Variants in TNPO3 observed in about 807,000 individuals in gnomAD.
TNPO3 encodes transportin 3.
In TNPO3, 65 loss-of-function variants were observed where a neutral mutation model predicts 122.8. The ratio of observed to expected loss-of-function variants is 0.53; its 90% CI spans 0.43 to 0.65. The LOEUF (loss-of-function observed/expected upper bound fraction) is 0.65. Ranked by LOEUF, TNPO3 falls within the 30% of genes least tolerant of loss-of-function variation. The pLI is 0.00. For missense variants in TNPO3, 850 were observed against 1,136.7 expected (o/e 0.75, Z 3.63); for synonymous variants, 372 against 411.2 (o/e 0.90, Z 1.15).
chr7:128,964,798 G>A (rs1797787549), intron 21 of TNPO3, among the ~76,000 whole-genome samples: 1 of 152,066 alleles, frequency 6.6e-6, no homozygotes, highest in South Asian at 2.1e-4. Flanking sequence ...CCTGTATATG[G>A]TCAAATGATT....
At chr7:129,003,509 A>C (rs1802232724) in intron 5 of TNPO3, among the ~76,000 whole-genome samples, 2 of 151,738 alleles carry the variant, frequency 1.3e-5, no homozygotes, top group Admixed American at 1.3e-4. Context: ...TCTAGAAAAA[A>C]TTAAAAATTA....
rs1308393321 is a variant in TNPO3 at position 128,955,015 on chromosome 7, G to A, written c.*402C>T. ...CACGTGCGCACTGGCGCTTGTGCGT[G>A]TATGTGTGTGTGCGTGCATGTGTCA... On this transcript the variant is annotated 3_prime_UTR_variant, in exon 23 of 23. Coordinates refer to ENST00000265388, the MANE Select transcript of TNPO3 (RefSeq NM_012470.4). The A allele has an allele frequency of 1.1e-5, 3 of 277,524 alleles. No individual in the cohort carries two copies. Among genetic ancestry groups the A allele is most frequent in the African/African-American group, 2.3e-5 (1 of 42,782 alleles). 17.2% of individuals were successfully genotyped at this position (277,524 alleles called of 1,614,324 possible). A position where few individuals can be genotyped will look rare whatever the true frequency, so the allele number is the denominator to read the frequency against.
chr7:129,028,995 A>T (rs1374695321), intron 1 of TNPO3: 6 of 430,768 alleles, frequency 1.4e-5, no homozygotes, highest in Admixed American at 1.1e-4. Flanking sequence ...TTTTCTTCTG[A>T]TGATGATTAG....
chr7:129,049,243 T>C (rs1808416957), intron 1 of TNPO3, among the ~76,000 whole-genome samples: 1 of 152,168 alleles, frequency 6.6e-6, no homozygotes, highest in African/African-American at 2.4e-5. Context: ...ATTTGGATGC[T>C]GATGGGAAAG....
intron 21 of TNPO3, among the ~76,000 whole-genome samples, chr7:128,957,806 G>T (rs903287000): frequency 4.6e-5 from 7 of 152,122 alleles, no homozygotes; most frequent in Non-Finnish European, 7.3e-5. Context: ...GTTTACAAAG[G>T]CCGGTCTAGC....
chr7:129,012,007 T>TTTC (rs1803264431), intron 4 of TNPO3, among the ~76,000 whole-genome samples: 1 of 117,108 alleles, frequency 8.5e-6, no homozygotes, highest in Non-Finnish European at 1.8e-5. Context: ...TTCTTTCTTT[T>TTTC]TTTTTTTTTT....
At chr7:129,031,276 G>A (rs781028894) in intron 1 of TNPO3, among the ~76,000 whole-genome samples, 8 of 151,808 alleles carry the variant, frequency 5.3e-5, no homozygotes, top group African/African-American at 1.5e-4. Context: ...CTCCAGTCTC[G>A]GTGACAGAGT....
At chr7:129,029,080 C>A in intron 1 of TNPO3, 1 of 272,838 alleles carries the variant, frequency 3.7e-6, no homozygotes. Flanking sequence ...TTCCTCATGT[C>A]ACCCCCTTTT....
chr7:129,027,574 A>C (rs1805361613), intron 1 of TNPO3, among the ~76,000 whole-genome samples: 1 of 137,260 alleles, frequency 7.3e-6, no homozygotes, highest in African/African-American at 2.6e-5. Flanking sequence ...AAAAAAAAAA[A>C]AAAAAAAAAA....
At chr7:129,025,611 CTA>C (rs1366432745) in intron 1 of TNPO3, among the ~76,000 whole-genome samples, 1 of 152,046 alleles carries the variant, frequency 6.6e-6, no homozygotes, top group Non-Finnish European at 1.5e-5. Context: ...CAGGGTCTCA[CTA>C]TGTTATCCAG....
At chr7:128,964,363 C>T (rs533126694) in intron 21 of TNPO3, among the ~76,000 whole-genome samples, 73 of 122,654 alleles carry the variant, frequency 6.0e-4, no homozygotes, top group Non-Finnish European at 9.3e-4. Flanking sequence ...TGAGACGGAG[C>T]CTCGCTCTGT....
At chr7:128,962,384 A>G (rs1257365767) in intron 21 of TNPO3, among the ~76,000 whole-genome samples, 2 of 152,110 alleles carry the variant, frequency 1.3e-5, no homozygotes, top group East Asian at 1.9e-4. Context: ...AAAAAAAAAA[A>G]AAAAAAAGCT....
In TNPO3 at chr7:128,970,267, T is replaced by C; in HGVS notation, c.2479A>G (p.Asn827Asp). ...CTGACAAGCTGCTGTCCAAGCTGGT[T>C]CATCACCTGTCCAATCAGTTCTTTC... ...LRKELIGQVM[N>D]QLGQQLVSQL... The change falls in exon 20 of 23, where the codon AAC becomes GAC. Residue 827 changes from asparagine (N) to aspartate (D), a missense_variant. Asn to Asp is a conservative substitution (Grantham distance 23). Coordinates refer to ENST00000265388, the MANE Select transcript of TNPO3 (RefSeq NM_012470.4). The C allele has an allele frequency of 6.2e-7, 1 of 1,613,308 alleles. No homozygotes were observed. Among genetic ancestry groups the C allele is most frequent in the Non-Finnish European group, 8.5e-7 (1 of 1,179,640 alleles).
At chr7:129,036,142 C>T (rs1350046872) in intron 1 of TNPO3, among the ~76,000 whole-genome samples, 2 of 151,714 alleles carry the variant, frequency 1.3e-5, no homozygotes, top group South Asian at 2.1e-4. Context: ...TTAATAGAGA[C>T]GGGGGTTTCA....
chr7:128,997,965 G>C (rs1357690436), intron 7 of TNPO3, among the ~76,000 whole-genome samples: 1 of 150,290 alleles, frequency 6.7e-6, no homozygotes, highest in African/African-American at 2.4e-5. Flanking sequence ...AGCCTCCCAA[G>C]TAGCTGGGAC....
At chr7:128,992,155 C>T in intron 9 of TNPO3, 65 bp from the exon 10 acceptor site, 1 of 884,410 alleles carries the variant, frequency 1.1e-6, no homozygotes, top group Admixed American at 2.6e-5. Context: ...ACAAACAAAA[C>T]AAAAAATCCA....
chr7:129,035,160 G>A (rs1806474094), intron 1 of TNPO3, among the ~76,000 whole-genome samples: 1 of 151,842 alleles, frequency 6.6e-6, no homozygotes, highest in Non-Finnish European at 1.5e-5. Context: ...TGTAGTCCCA[G>A]CTACTCGGGA....
chr7:129,044,027 A>C (rs1807722303), intron 1 of TNPO3, among the ~76,000 whole-genome samples: 1 of 152,264 alleles, frequency 6.6e-6, no homozygotes, highest in Non-Finnish European at 1.5e-5. Context: ...ACAGTGCTTA[A>C]GACTCAAATT....
At chr7:129,037,384 C>G (rs1342046491) in intron 1 of TNPO3, among the ~76,000 whole-genome samples, 1 of 152,188 alleles carries the variant, frequency 6.6e-6, no homozygotes, top group Non-Finnish European at 1.5e-5. Context: ...AGCACTGGCT[C>G]ATCTACGACA....
Sources: allele counts gnomAD v4.1 joint callset (sites outside exome capture counted in the v4.1 genomes callset), GRCh38; gene constraint gnomAD v4.1.1; transcripts MANE v1.5; gene names NCBI Gene and HGNC (gene_info 2026-07-23, HGNC 2026-07-21).